Variants in CA12 observed in about 807,000 individuals in gnomAD.
CA12 encodes the protein carbonic anhydrase 12.
In CA12, 36 loss-of-function variants were observed where a neutral mutation model predicts 46.8. The observed-to-expected ratio is 0.77, with a 90% CI of 0.59 to 1.02. The LOEUF (loss-of-function observed/expected upper bound fraction) is 1.02, where lower values mean the gene tolerates loss of function less well. CA12 is among the 50% of genes least tolerant of loss of function. CA12 has a pLI of 0.00. For missense variants in CA12, 436 were observed against 451.4 expected (o/e 0.97, Z 0.31); for synonymous variants, 202 against 187.0 (o/e 1.08, Z -0.65).
intron 3 of CA12, 120 bp downstream of exon 3, chr15:63,346,410 G>A (rs1342672058): frequency 2.2e-5 from 9 of 403,624 alleles, no homozygotes; most frequent in Non-Finnish European, 3.6e-5. Context: ...CCCCCGCCCC[G>A]CCCCACCCCT....
rs1281272159 is a variant in CA12, at chr15:63,355,229, A to G, written c.107-8520T>C. On this transcript the variant is annotated intron_variant, in intron 2 of 10. Transcript: ENST00000178638. This position sits in a 1 kb window ranked among gnomAD's most constrained non-coding sequence, Gnocchi z 4.1. ...TCCTGCAGACACACCAAGCTGCTTC[A>G]CATCTCCCTGAAACACCCTCCCCTC... Among the ~76,000 whole-genome samples, 1 of 151,968 alleles carries G rather than the reference A, an allele frequency of 6.6e-6. No homozygotes were observed. Among genetic ancestry groups the G allele is most frequent in the African/African-American group, 2.4e-5 (1 of 41,340 alleles).
In CA12 at chr15:63,324,985, G is replaced by A. The variant is rs112525680; in HGVS notation, c.*1300C>T. The A allele has an allele frequency of 7.8e-3, 1,188 of 152,240 alleles. 14 individuals carry two copies. Among genetic ancestry groups the A allele is most frequent in the African/African-American group, 0.027 (1,118 of 41,520 alleles). The allele number at this position is 152,240 out of a possible 1,614,324, so 9.4% of individuals were successfully genotyped here. On this transcript the variant is annotated 3_prime_UTR_variant, in exon 11 of 11. Transcript: ENST00000178638. The stretch of plus-strand genomic sequence containing the variant: ...TCATGGCACTGACTCATCTCCACAG[G>A]GTTCTCACCTGCGGGAGGAAAATGG...
At chr15:63,362,025 C>A (rs1230007142) in intron 2 of CA12, among the ~76,000 whole-genome samples, 1 of 152,148 alleles carries the variant, frequency 6.6e-6, no homozygotes, top group Non-Finnish European at 1.5e-5. Flanking sequence ...GGTTGGCTAA[C>A]TTTTTCTGCA....
At chr15:63,351,579 C>T (rs994519902) in intron 2 of CA12, among the ~76,000 whole-genome samples, 11 of 152,214 alleles carry the variant, frequency 7.2e-5, no homozygotes, top group Non-Finnish European at 1.0e-4. Context: ...GCTCCCTGAG[C>T]CTAAGAACAG....
At position 63,345,310 on chromosome 15, in the gene CA12, C is replaced by T. The variant is rs1314676391; in HGVS notation, c.429+167G>A. Among the ~76,000 whole-genome samples, 2 of 152,246 alleles carry T rather than the reference C, an allele frequency of 1.3e-5. No individual in the cohort carries two copies. The highest frequency in any genetic ancestry group is 2.9e-5 in the Non-Finnish European group (2 of 68,050). The stretch of plus-strand genomic sequence containing the variant: ...GGACCAGGACAGTGCAGATGAGCTA[C>T]AGGCTAGTGGAGTGGCTGCGCCCCT... On this transcript the variant is annotated intron_variant, in intron 4 of 10. Coordinates refer to ENST00000178638, the MANE Select transcript of CA12 (RefSeq NM_001218.5). The surrounding 1 kb of genome is among the most constrained non-coding windows in gnomAD (Gnocchi z 4.3).
At chr15:63,362,524 G>A (rs945735586) in intron 2 of CA12, among the ~76,000 whole-genome samples, 4 of 152,214 alleles carry the variant, frequency 2.6e-5, no homozygotes, top group Non-Finnish European at 5.9e-5. Flanking sequence ...CAGAGCTGGA[G>A]GGAGTGGAGA....
intron 8 of CA12, among the ~76,000 whole-genome samples, chr15:63,336,543 C>CTTTTTT (rs71998323): frequency 1.3e-4 from 11 of 86,214 alleles, no homozygotes; most frequent in African/African-American, 1.5e-4. Flanking sequence ...TCCAACCTGG[C>CTTTTTT]TTTTTTTTTT....
chr15:63,345,717 C>A lies in CA12; in HGVS notation c.287-98G>T, dbSNP rs911710399. 37 of 1,462,768 alleles carry A rather than the reference C, an allele frequency of 2.5e-5. No individual in the cohort carries two copies. Among genetic ancestry groups the A allele is most frequent in the Non-Finnish European group, 3.2e-5 (35 of 1,079,576 alleles). 90.6% of individuals were successfully genotyped at this position (1,462,768 alleles called of 1,614,324 possible). A position where few individuals can be genotyped will look rare whatever the true frequency, so the allele number is the denominator to read the frequency against. ...ATGCTCCCTCCACCCCTGCTGCCAC[C>A]CCCTGGAGCCCAGAGAGAGGCAGGT... On this transcript the variant is annotated intron_variant, in intron 3 of 10. Coordinates refer to ENST00000178638, the MANE Select transcript of CA12 (RefSeq NM_001218.5). This position sits in a 1 kb window ranked among gnomAD's most constrained non-coding sequence, Gnocchi z 4.3.
rs533645350 is a variant in CA12, at chr15:63,330,227, T to C, written c.875-2097A>G. 6.6e-6 allele frequency among the ~76,000 whole-genome samples: 1 copy of C among 152,330 alleles called. No homozygotes were observed. The highest frequency in any genetic ancestry group is 2.4e-5 in the African/African-American group (1 of 41,578). ...CATGAGTCTCCACCTGGAGGGAGCT[T>C]CCAGTGTTTGTACAGCACAAGCTCT... On this transcript the variant is annotated intron_variant, in intron 8 of 10. Coordinates refer to ENST00000178638, the MANE Select transcript of CA12 (RefSeq NM_001218.5). The surrounding 1 kb of genome is among the most constrained non-coding windows in gnomAD (Gnocchi z 4.0).
At position 63,355,313 on chromosome 15, in the gene CA12, C is replaced by A. The variant is rs920954984; in HGVS notation, c.107-8604G>T. Among the ~76,000 whole-genome samples the A allele has an allele frequency of 2.6e-5, 4 of 152,256 alleles. No individual in the cohort carries two copies. The highest frequency in any genetic ancestry group is 5.9e-5 in the Non-Finnish European group (4 of 68,042). ...GTGCTCCTATACAGCCTTTGCATTT[C>A]TCTTCCTTGCAGCAGCCACACTGAT... On this transcript the variant is annotated intron_variant, in intron 2 of 10. Transcript: ENST00000178638. The surrounding 1 kb of genome is among the most constrained non-coding windows in gnomAD (Gnocchi z 4.1).
intron 8 of CA12, among the ~76,000 whole-genome samples, chr15:63,335,173 C>T (rs552718969): frequency 2.6e-5 from 4 of 152,258 alleles, no homozygotes; most frequent in South Asian, 4.1e-4. Context: ...TAGAGACCAA[C>T]GGTGCTGCCA....
intron 1 of CA12, among the ~76,000 whole-genome samples, chr15:63,380,833 T>C (rs2039634809): frequency 6.6e-6 from 1 of 152,182 alleles, no homozygotes; most frequent in Admixed American, 6.5e-5. Flanking sequence ...ATCACTTTCT[T>C]ATTCCAAAAG....
chr15:63,340,309 G>A lies in CA12; in HGVS notation c.726C>T (p.Pro242=), dbSNP rs199786229. 5.6e-6 allele frequency: 9 copies of A among 1,614,182 alleles called. No individual in the cohort carries two copies. The highest frequency in any genetic ancestry group is 1.1e-5 in the South Asian group (1 of 91,086). Residue 242 remains proline (P), a synonymous_variant, in exon 7 of 11, where the codon CCC becomes CCT. Transcript: ENST00000178638. This position sits in a 1 kb window ranked among gnomAD's most constrained non-coding sequence, Gnocchi z 4.4. The stretch of plus-strand genomic sequence containing the variant: ...TTACCTGCTCCTGGGAAATTTGCAC[G>A]GGGTTTCGGAAAACTGTCCAGAGCA... ...PTVLWTVFRN[P]VQISQEQLLA...
Position 63,327,855 on chromosome 15 carries a change from G to A in CA12, c.907+243C>T, listed in dbSNP as rs1318750852. Among the ~76,000 whole-genome samples the A allele has an allele frequency of 6.6e-6, 1 of 152,210 alleles. No homozygotes were observed. The highest frequency in any genetic ancestry group is 2.4e-5 in the African/African-American group (1 of 41,466). On this transcript the variant is annotated intron_variant, in intron 9 of 10. Coordinates refer to ENST00000178638, the MANE Select transcript of CA12 (RefSeq NM_001218.5). The surrounding 1 kb of genome is among the most constrained non-coding windows in gnomAD (Gnocchi z 4.5). The stretch of plus-strand genomic sequence containing the variant: ...AGCCTCCCACCATGACCAAAAGAAA[G>A]TCTTAGATAGGTTCTTTGAATACAC...
At chr15:63,358,365 C>T (rs370761067) in intron 2 of CA12, among the ~76,000 whole-genome samples, 34 of 152,314 alleles carry the variant, frequency 2.2e-4, no homozygotes, top group East Asian at 1.2e-3. Flanking sequence ...GATCATAAAG[C>T]CATATTCCAC....
rs772568605 is a variant in CA12 at position 63,327,180 on chromosome 15, C to T, written c.961G>A (p.Val321Met). Residue 321 changes from valine to methionine, a missense_variant, in exon 10 of 11, where the codon GTG (valine) becomes ATG (methionine). By Grantham distance (21) the Val-to-Met change is conservative (BLOSUM62 1). Transcript: ENST00000178638. The surrounding 1 kb of genome is among the most constrained non-coding windows in gnomAD (Gnocchi z 4.5). ...CTTCTGAAAAGCCAAATGGACACCACCACCACAATACAGATGCCAAGAATG... is the reference window on the plus strand; with the variant it reads ...CTTCTGAAAAGCCAAATGGACACCATCACCACAATACAGATGCCAAGAATG... Reference protein sequence around the residue: ...AGILGICIVVVVSIWLFRRKS... With the variant: ...AGILGICIVVMVSIWLFRRKS... 6.2e-7 allele frequency: 1 copy of T among 1,614,110 alleles called. No homozygotes were observed. Among genetic ancestry groups the T allele is most frequent in the South Asian group, 1.1e-5 (1 of 91,074 alleles).
chr15:63,356,417 C>T (rs992664964), intron 2 of CA12, among the ~76,000 whole-genome samples: 2 of 152,124 alleles, frequency 1.3e-5, no homozygotes, highest in Non-Finnish European at 2.9e-5. Flanking sequence ...GTAAAATATA[C>T]ATAACAGAGC....
intron 2 of CA12, among the ~76,000 whole-genome samples, chr15:63,350,976 C>T (rs918127897): frequency 1.3e-5 from 2 of 152,144 alleles, no homozygotes; most frequent in African/African-American, 4.8e-5. Flanking sequence ...GTACCATGAC[C>T]ACACCTAGAG....
chr15:63,327,976 A>C lies in CA12; in HGVS notation c.907+122T>G. On this transcript the variant is annotated intron_variant, in intron 9 of 10. Coordinates refer to ENST00000178638, the MANE Select transcript of CA12 (RefSeq NM_001218.5). This position sits in a 1 kb window ranked among gnomAD's most constrained non-coding sequence, Gnocchi z 4.5. The stretch of plus-strand genomic sequence containing the variant: ...GCGACTTGAGGGTAAGACCCATAGC[A>C]AGGAGAGGGCCAGGAGCCAGAGCAA... The C allele has an allele frequency of 1.1e-6, 1 of 896,944 alleles. No homozygotes were observed. The highest frequency in any genetic ancestry group is 1.9e-6 in the Non-Finnish European group (1 of 540,364). 55.6% of individuals were successfully genotyped at this position (896,944 alleles called of 1,614,324 possible).
Sources: allele counts gnomAD v4.1 joint callset (sites outside exome capture counted in the v4.1 genomes callset), GRCh38; gene constraint gnomAD v4.1.1; non-coding constraint Gnocchi (gnomAD v3.1); transcripts MANE v1.5; gene names NCBI Gene and HGNC (gene_info 2026-07-23, HGNC 2026-07-21).